PTK2B: variants seen among roughly 807,000 people sequenced by gnomAD.
PTK2B encodes protein tyrosine kinase 2 beta.
Under a neutral mutation model 142.9 loss-of-function variants are expected in PTK2B, and 71 were observed. That is an observed-to-expected ratio of 0.50 (90% CI 0.41 to 0.61). The LOEUF (loss-of-function observed/expected upper bound fraction) is 0.61, where lower values mean the gene tolerates loss of function less well. PTK2B is among the 20% of genes least tolerant of loss of function. PTK2B has a pLI of 0.00. For synonymous variants in PTK2B, 519 were observed against 503.4 expected (o/e 1.03, Z -0.42); for missense variants, 1,105 against 1,320.4 (o/e 0.84, Z 2.53).
intron 3 of PTK2B, among the ~76,000 whole-genome samples, chr8:27,318,186 AT>A (rs1169514148): frequency 1.3e-5 from 2 of 152,120 alleles, no homozygotes; most frequent in African/African-American, 2.4e-5. Flanking sequence ...CATGCTAGGC[AT>A]TTTTTTCCTG....
intron 1 of PTK2B, among the ~76,000 whole-genome samples, chr8:27,342,392 T>C (rs1026429748): frequency 2.0e-5 from 3 of 151,896 alleles, no homozygotes; most frequent in Admixed American, 6.6e-5. Context: ...GCCCAAATGA[T>C]CCTCTCACCT....
intron 1 of PTK2B, among the ~76,000 whole-genome samples, chr8:27,375,495 C>G (rs1054112624): frequency 6.6e-6 from 1 of 152,190 alleles, no homozygotes; most frequent in Non-Finnish European, 1.5e-5. Context: ...TTTGCCCCAC[C>G]CACTAGTTCT....
At chr8:27,382,592 C>T (rs1204174595) in intron 1 of PTK2B, among the ~76,000 whole-genome samples, 1 of 151,842 alleles carries the variant, frequency 6.6e-6, no homozygotes, top group Non-Finnish European at 1.5e-5. Context: ...ATTTTTGCTT[C>T]TGTTACCTGT....
chr8:27,451,369 C>T (rs1811800011), intron 26 of PTK2B, 116 bp from the exon 27 acceptor site: 4 of 1,516,972 alleles, frequency 2.6e-6, no homozygotes, highest in Non-Finnish European at 3.6e-6. Context: ...ACCCCCGACC[C>T]CATGGCTGTA....
chr8:27,416,592 A>G (rs886176369), intron 2 of PTK2B, among the ~76,000 whole-genome samples: 1 of 152,268 alleles, frequency 6.6e-6, no homozygotes, highest in African/African-American at 2.4e-5. Flanking sequence ...ATTTCTTAGG[A>G]TACAGAAAAC....
exon 1 of PTK2B, chr8:27,311,651 G>C (rs1337963958): frequency 1.0e-5 from 2 of 200,848 alleles, no homozygotes; most frequent in African/African-American, 4.6e-5. Context: ...CCCGCGGATG[G>C]GAGAAACCAG....
intron 2 of PTK2B, among the ~76,000 whole-genome samples, chr8:27,418,129 C>T (rs905289757): frequency 2.0e-4 from 31 of 152,220 alleles, no homozygotes; most frequent in African/African-American, 7.0e-4. Context: ...CAAGTGCATT[C>T]TGTGCCTCTG....
intron 2 of PTK2B, among the ~76,000 whole-genome samples, chr8:27,411,779 A>AC (rs962772224): frequency 1.3e-5 from 2 of 152,122 alleles, no homozygotes; most frequent in African/African-American, 2.4e-5. Context: ...GTTAGCTCAG[A>AC]CTTCACAGGC....
At chr8:27,372,399 A>G (rs541218051) in intron 1 of PTK2B, among the ~76,000 whole-genome samples, 5 of 152,338 alleles carry the variant, frequency 3.3e-5, no homozygotes, top group African/African-American at 1.2e-4. Context: ...TTCTGAAGGC[A>G]AGAAGAAGCT....
intron 1 of PTK2B, among the ~76,000 whole-genome samples, chr8:27,346,443 G>A (rs1447359779): frequency 3.3e-5 from 5 of 152,206 alleles, no homozygotes. Flanking sequence ...CTACTCAGGG[G>A]GCTGAAGTGG....
intron 1 of PTK2B, among the ~76,000 whole-genome samples, chr8:27,335,022 A>G (rs1477523622): frequency 6.6e-6 from 1 of 152,168 alleles, no homozygotes; most frequent in Non-Finnish European, 1.5e-5. Flanking sequence ...GAGAGGAGAA[A>G]GATGGGGAGG....
At chr8:27,378,419 A>G (rs1806798368) in intron 1 of PTK2B, among the ~76,000 whole-genome samples, 1 of 152,198 alleles carries the variant, frequency 6.6e-6, no homozygotes, top group South Asian at 2.1e-4. Flanking sequence ...ACAGTATGAA[A>G]TATTCATATG....
In PTK2B at chr8:27,442,872, C is replaced by T; in HGVS notation, c.2040-3C>T. 1 of 1,611,856 alleles carries T rather than the reference C, an allele frequency of 6.2e-7. No homozygotes were observed. The highest frequency in any genetic ancestry group is 1.1e-5 in the South Asian group (1 of 91,040). ...TCTCCTTATCTGACGTGACTCCCTG[C>T]AGTGACGTTTATCAGATGGAGAAGG... is the stretch of plus-strand genomic sequence containing the variant. On this transcript the variant is annotated splice_region_variant and splice_polypyrimidine_tract_variant and intron_variant, in intron 21 of 30. Coordinates refer to ENST00000346049, the MANE Select transcript of PTK2B (RefSeq NM_173176.3).
chr8:27,389,949 G>A (rs1807608282), intron 1 of PTK2B, among the ~76,000 whole-genome samples: 1 of 152,174 alleles, frequency 6.6e-6, no homozygotes, highest in Non-Finnish European at 1.5e-5. Flanking sequence ...TTAGTTAAGT[G>A]GCTGCACTCA....
intron 1 of PTK2B, among the ~76,000 whole-genome samples, chr8:27,356,153 C>T (rs2130654571): frequency 6.6e-6 from 1 of 152,256 alleles, no homozygotes; most frequent in East Asian, 1.9e-4. Context: ...ACATGGCCCC[C>T]TTAGTGATGA....
chr8:27,367,453 C>T (rs1473153073), intron 1 of PTK2B, among the ~76,000 whole-genome samples: 1 of 152,198 alleles, frequency 6.6e-6, no homozygotes, highest in Non-Finnish European at 1.5e-5. Flanking sequence ...AGCCAAGTGT[C>T]CATTTCAACA....
At chr8:27,316,796 G>A (rs1393510845) in intron 3 of PTK2B, among the ~76,000 whole-genome samples, 1 of 152,232 alleles carries the variant, frequency 6.6e-6, no homozygotes, top group Non-Finnish European at 1.5e-5. Context: ...CAAGTAACTA[G>A]GGAAACACTG....
At chr8:27,356,129 G>A (rs1221899413) in intron 1 of PTK2B, among the ~76,000 whole-genome samples, 1 of 152,120 alleles carries the variant, frequency 6.6e-6, no homozygotes, top group Non-Finnish European at 1.5e-5. Flanking sequence ...TTACAACACT[G>A]TTCAAGTAAG....
rs376430339 is a variant in PTK2B at position 27,331,538 on chromosome 8, C to T, written c.-38+5857C>T. Among the ~76,000 whole-genome samples the T allele has an allele frequency of 8.5e-5, 13 of 152,242 alleles. No individual in the cohort carries two copies. The East Asian group carries it at 2.3e-3, about 27-fold the overall frequency. On this transcript the variant is annotated intron_variant, in intron 1 of 30. Transcript: ENST00000346049. ...ATGAGCCAAGACTACAGGCACATGC[C>T]ACCACACCTGGCTTATTTTCTTTCT... is the stretch of plus-strand genomic sequence containing the variant.
Sources: allele counts gnomAD v4.1 joint callset (sites outside exome capture counted in the v4.1 genomes callset), GRCh38; gene constraint gnomAD v4.1.1; transcripts MANE v1.5; gene names NCBI Gene and HGNC (gene_info 2026-07-23, HGNC 2026-07-21).